RNF220: variants seen among roughly 807,000 people sequenced by gnomAD.
RNF220 encodes the protein ring finger protein 220.
Under a neutral mutation model 67.1 loss-of-function variants are expected in RNF220, and 7 were observed. The observed-to-expected ratio is 0.10, with a 90% CI of 0.06 to 0.20. The LOEUF (loss-of-function observed/expected upper bound fraction) is 0.20, where lower values mean the gene tolerates loss of function less well. Among genes scored for constraint, RNF220 ranks in the 10% least tolerant of loss-of-function variants. The pLI, the probability that RNF220 is intolerant of heterozygous loss-of-function variation, is 1.00. For synonymous variants in RNF220, 270 were observed against 283.2 expected (o/e 0.95, Z 0.47); for missense variants, 565 against 740.3 (o/e 0.76, Z 2.75).
Position 44,645,588 on chromosome 1 carries a change from C to A in RNF220, c.1445+100C>A, listed in dbSNP as rs1191558476. ...CTGCTGCCAGGGCTTCTGGCCCTCC[C>A]AAGTGCAGCTCAGTGCTGCTGCCCT... On this transcript the variant is annotated intron_variant, in intron 12 of 14. Transcript: ENST00000361799. This position sits in a 1 kb window ranked among gnomAD's most constrained non-coding sequence, Gnocchi z 5.0. 2 of 1,212,628 alleles carry A rather than the reference C, an allele frequency of 1.6e-6. No homozygotes were observed. Among genetic ancestry groups the A allele is most frequent in the Non-Finnish European group, 2.4e-6 (2 of 840,268 alleles). 75.1% of individuals were successfully genotyped at this position (1,212,628 alleles called of 1,614,324 possible).
intron 2 of RNF220, among the ~76,000 whole-genome samples, chr1:44,580,658 A>G (rs1299357160): frequency 1.3e-5 from 2 of 152,174 alleles, no homozygotes; most frequent in African/African-American, 4.8e-5. Flanking sequence ...CAGGCCACCT[A>G]TTAGGAAGAT....
chr1:44,635,012 CAG>C (rs1227369533), intron 6 of RNF220, among the ~76,000 whole-genome samples: 1 of 152,166 alleles, frequency 6.6e-6, no homozygotes, highest in Admixed American at 6.5e-5. Flanking sequence ...TAGTGGACCT[CAG>C]AGAAATTCTT....
At chr1:44,544,053 C>T (rs1661911607) in intron 2 of RNF220, among the ~76,000 whole-genome samples, 1 of 152,208 alleles carries the variant, frequency 6.6e-6, no homozygotes, top group South Asian at 2.1e-4. Flanking sequence ...AGAGCAGCAG[C>T]TCTCCCCTGA....
At chr1:44,530,531 C>CAAAAAAAAAAAAAAAACAA (rs34069585) in intron 2 of RNF220, among the ~76,000 whole-genome samples, 1 of 136,454 alleles carries the variant, frequency 7.3e-6, no homozygotes, top group African/African-American at 2.7e-5. Context: ...GTCAAATCTG[C>CAAAAAAAAAAAAAAAACAA]AAAAAAAAAA....
At chr1:44,557,213 G>A (rs1205590508) in intron 2 of RNF220, among the ~76,000 whole-genome samples, 1 of 138,742 alleles carries the variant, frequency 7.2e-6, no homozygotes, top group Non-Finnish European at 1.5e-5. Context: ...ATATATATAA[G>A]CTTCTTGATA....
chr1:44,408,506 C>T (rs1647628744), intron 1 of RNF220, among the ~76,000 whole-genome samples: 1 of 152,060 alleles, frequency 6.6e-6, no homozygotes, highest in African/African-American at 2.4e-5. Flanking sequence ...AGTCTGTGAA[C>T]TTAAAAAAAA....
In RNF220 at chr1:44,565,137, G is replaced by A. The variant is rs1324058270; in HGVS notation, c.626-49028G>A. 1.3e-5 allele frequency among the ~76,000 whole-genome samples: 2 copies of A among 152,232 alleles called. No homozygotes were observed. The highest frequency in any genetic ancestry group is 2.9e-5 in the Non-Finnish European group (2 of 68,046). The stretch of plus-strand genomic sequence containing the variant: ...GCACTCCGTGAATAAATGAATGAGT[G>A]AGTGAACAAACTGATCAACCAGTAA... On this transcript the variant is annotated intron_variant, in intron 2 of 14. Transcript: ENST00000361799. This position sits in a 1 kb window ranked among gnomAD's most constrained non-coding sequence, Gnocchi z 4.2.
intron 8 of RNF220, among the ~76,000 whole-genome samples, chr1:44,637,499 C>T (rs886464723): frequency 2.0e-5 from 3 of 152,242 alleles, no homozygotes; most frequent in African/African-American, 7.2e-5. Context: ...TCAGTTTCAA[C>T]GTGCTGCTCT....
chr1:44,494,785 T>C (rs574122003), intron 2 of RNF220, among the ~76,000 whole-genome samples: 65 of 152,302 alleles, frequency 4.3e-4, no homozygotes, highest in African/African-American at 1.5e-3. Flanking sequence ...TTGAATCCTG[T>C]CAATGTATTA....
chr1:44,608,771 A>G (rs1243209698), intron 2 of RNF220, among the ~76,000 whole-genome samples: 1 of 152,238 alleles, frequency 6.6e-6, no homozygotes, highest in East Asian at 1.9e-4. Context: ...AAGGAACTCC[A>G]TGGGGGCCAG....
intron 2 of RNF220, among the ~76,000 whole-genome samples, chr1:44,475,078 A>G (rs1432048639): frequency 2.0e-5 from 3 of 152,132 alleles, no homozygotes; most frequent in Non-Finnish European, 4.4e-5. Context: ...AGACTGAGGA[A>G]AAAAAAATCA....
At chr1:44,560,540 T>C (rs1341916810) in intron 2 of RNF220, among the ~76,000 whole-genome samples, 2 of 152,148 alleles carry the variant, frequency 1.3e-5, no homozygotes, top group African/African-American at 4.8e-5. Context: ...TCCTCATTCA[T>C]TGATTCAGCC....
intron 12 of RNF220, among the ~76,000 whole-genome samples, chr1:44,647,403 A>C (rs1344190372): frequency 6.6e-6 from 1 of 152,208 alleles, no homozygotes; most frequent in East Asian, 1.9e-4. Flanking sequence ...GCAAAATGCC[A>C]GGGAAGGAGC....
At chr1:44,584,672 A>C (rs2148353165) in intron 2 of RNF220, among the ~76,000 whole-genome samples, 1 of 152,256 alleles carries the variant, frequency 6.6e-6, no homozygotes, top group Admixed American at 6.5e-5. Flanking sequence ...AGCCAGAAGT[A>C]ACATTTCTTT....
At chr1:44,491,705 C>T (rs1223270384) in intron 2 of RNF220, among the ~76,000 whole-genome samples, 1 of 151,964 alleles carries the variant, frequency 6.6e-6, no homozygotes, top group East Asian at 1.9e-4. Context: ...ACTCTGTCGT[C>T]CAGGCTGGAG....
At chr1:44,547,126 C>G (rs144548347) in intron 2 of RNF220, among the ~76,000 whole-genome samples, 14 of 152,336 alleles carry the variant, frequency 9.2e-5, no homozygotes, top group African/African-American at 2.9e-4. Flanking sequence ...TGGGAAAAGG[C>G]ATTGCCAACA....
chr1:44,438,704 C>T (rs7535828), intron 2 of RNF220, among the ~76,000 whole-genome samples: 5,489 of 152,322 alleles, frequency 0.036, 144 homozygotes, highest in East Asian at 0.12. Context: ...ATCCTATGGA[C>T]AACCTCCCGC....
chr1:44,635,636 G>A (rs1644305151), intron 7 of RNF220, 48 bp downstream of exon 7: 1 of 1,614,148 alleles, frequency 6.2e-7, no homozygotes, highest in East Asian at 2.2e-5. Context: ...AGCAGGAGAT[G>A]AGTAGGCATG....
chr1:44,632,575 A>G (rs1644192681), intron 6 of RNF220, 190 bp downstream of exon 6: 6 of 638,520 alleles, frequency 9.4e-6, no homozygotes, highest in South Asian at 9.1e-5. Context: ...TAATGGAGGT[A>G]TGGCGCCCAG....
Sources: allele counts gnomAD v4.1 joint callset (sites outside exome capture counted in the v4.1 genomes callset), GRCh38; gene constraint gnomAD v4.1.1; non-coding constraint Gnocchi (gnomAD v3.1); transcripts MANE v1.5; gene names NCBI Gene and HGNC (gene_info 2026-07-23, HGNC 2026-07-21).